PCDHGB1: variants seen among roughly 807,000 people sequenced by gnomAD.
PCDHGB1 encodes the protein protocadherin gamma subfamily B, 1, also known as protocadherin gamma-B1.
A neutral mutation model predicts 56.6 loss-of-function variants in PCDHGB1; 34 were observed. That is an observed-to-expected ratio of 0.60 (90% CI 0.46 to 0.80). The LOEUF is 0.80. Among genes scored for constraint, PCDHGB1 ranks in the 30% least tolerant of loss-of-function variants. The pLI is 0.00. For synonymous variants in PCDHGB1, 561 were observed against 505.9 expected, an observed-to-expected ratio of 1.11 and a Z score of -1.46; for missense variants, 1,278 against 1,204.6, an observed-to-expected ratio of 1.06 and a Z score of -0.90.
intron 1 of PCDHGB1, chr5:141,357,163 T>TCGGCCA: frequency 6.2e-7 from 1 of 1,613,606 alleles, no homozygotes; most frequent in Non-Finnish European, 8.5e-7. Flanking sequence ...GCCCCCTCTC[T>TCGGCCA]CGGCCACCGT....
chr5:141,418,013 A>C (rs769578436), intron 1 of PCDHGB1: 2 of 1,613,906 alleles, frequency 1.2e-6, no homozygotes, highest in African/African-American at 2.7e-5. Flanking sequence ...GAACCTCGCT[A>C]AGGATCTAGG....
Position 141,491,898 on chromosome 5 carries a change from G to C in PCDHGB1, c.2410-2909G>C, listed in dbSNP as rs772673872. 9.0e-5 allele frequency: 129 copies of C among 1,428,816 alleles called. 1 individual carries two copies. In the Middle Eastern group the frequency reaches 2.0e-3, roughly 22 times the overall value. The allele number at this position is 1,428,816 out of a possible 1,614,324, so 88.5% of individuals were successfully genotyped here. On this transcript the variant is annotated intron_variant, in intron 1 of 3. Coordinates refer to ENST00000523390, the MANE Select transcript of PCDHGB1 (RefSeq NM_018922.3). The surrounding 1 kb of genome is among the most constrained non-coding windows in gnomAD (Gnocchi z 6.9). ...ATTAAGGGATGGGGCTCCGAGCACCGGGGGTGGTGGCGACTGTGGGCGAGG... is the reference window on the plus strand; with the variant it reads ...ATTAAGGGATGGGGCTCCGAGCACCCGGGGTGGTGGCGACTGTGGGCGAGG...
intron 1 of PCDHGB1, chr5:141,365,136 C>T: frequency 6.2e-7 from 1 of 1,613,950 alleles, no homozygotes; most frequent in Non-Finnish European, 8.5e-7. Flanking sequence ...GCCACGGATC[C>T]AGATGAGGGA....
intron 1 of PCDHGB1, chr5:141,427,757 C>A: frequency 7.5e-7 from 1 of 1,340,702 alleles, no homozygotes; most frequent in Non-Finnish European, 1.1e-6. Flanking sequence ...CCATCGTTAC[C>A]ACTGACTTGG....
chr5:141,350,915 C>T lies in PCDHGB1; in HGVS notation c.655C>T (p.Leu219=), dbSNP rs775693416. 3 of 1,614,100 alleles carry T rather than the reference C, an allele frequency of 1.9e-6. No individual in the cohort carries two copies. Among genetic ancestry groups the T allele is most frequent in the East Asian group, 2.2e-5 (1 of 44,888 alleles). Residue 219 remains leucine (L), a synonymous_variant, in exon 1 of 4, where the codon CTA becomes TTA. Transcript: ENST00000523390. The part of the protein sequence containing the change: ...LTAMDGGDPP[L]SGTTHIWIRV... ...TGCCATGGATGGCGGGGACCCGCCT[C>T]TAAGCGGCACCACCCATATCTGGAT...
At chr5:141,387,607 AG>A in intron 1 of PCDHGB1, 2 of 547,806 alleles carry the variant, frequency 3.7e-6, no homozygotes, top group Non-Finnish European at 6.4e-6. Context: ...CAGAGGCTGT[AG>A]TTTCCTAGTG....
At chr5:141,413,355 C>G in intron 1 of PCDHGB1, 1 of 1,613,952 alleles carries the variant, frequency 6.2e-7, no homozygotes, top group Non-Finnish European at 8.5e-7. Context: ...GTCTGGCGCC[C>G]CGGGAGCTGG....
intron 1 of PCDHGB1, chr5:141,376,411 C>CTTAGTT: frequency 1.9e-6 from 3 of 1,614,182 alleles, no homozygotes; most frequent in Non-Finnish European, 2.5e-6. Context: ...CCAACTATGC[C>CTTAGTT]GACACGCTTA....
chr5:141,381,555 T>C (rs992456160), intron 1 of PCDHGB1, among the ~76,000 whole-genome samples: 2 of 152,192 alleles, frequency 1.3e-5, no homozygotes, highest in African/African-American at 4.8e-5. Flanking sequence ...TTGAATTGAA[T>C]TGCATAATGA....
At chr5:141,509,071 G>T (rs1209992467) in intron 3 of PCDHGB1, among the ~76,000 whole-genome samples, 1 of 152,176 alleles carries the variant, frequency 6.6e-6, no homozygotes, top group Admixed American at 6.5e-5. Flanking sequence ...CAGCTCCGGG[G>T]ATTTGCGACA....
intron 1 of PCDHGB1, chr5:141,362,068 G>A (rs62621761): frequency 1.2e-6 from 2 of 1,612,460 alleles, no homozygotes; most frequent in South Asian, 1.1e-5. Flanking sequence ...CCTGCTGGTC[G>A]CTGTGCGTGA....
chr5:141,491,666 G>T lies in PCDHGB1; in HGVS notation c.2410-3141G>T, dbSNP rs373526771. Reference sequence around the variant, plus strand: ...CTGGCGCTGGAGCCTGACGCCATCCGGTCCCGCTCTAATACGCTGCGGGAG... The same window carrying T: ...CTGGCGCTGGAGCCTGACGCCATCCTGTCCCGCTCTAATACGCTGCGGGAG... On this transcript the variant is annotated intron_variant, in intron 1 of 3. Transcript: ENST00000523390. This position sits in a 1 kb window ranked among gnomAD's most constrained non-coding sequence, Gnocchi z 6.9. 1.2e-6 allele frequency: 2 copies of T among 1,613,732 alleles called. No homozygotes were observed. Among genetic ancestry groups the T allele is most frequent in the Non-Finnish European group, 1.7e-6 (2 of 1,180,008 alleles).
At chr5:141,461,388 A>T (rs1025976806) in intron 1 of PCDHGB1, among the ~76,000 whole-genome samples, 5 of 152,164 alleles carry the variant, frequency 3.3e-5, no homozygotes, top group Admixed American at 6.5e-5. Context: ...CCTGATGATT[A>T]GCGATGTTGA....
chr5:141,409,047 G>A, intron 1 of PCDHGB1: 1 of 1,613,982 alleles, frequency 6.2e-7, no homozygotes, highest in Non-Finnish European at 8.5e-7. Context: ...TACTACTTCC[G>A]AAGCACTGCC....
chr5:141,375,599 T>A (rs1352335566), intron 1 of PCDHGB1: 1 of 1,614,126 alleles, frequency 6.2e-7, no homozygotes, highest in East Asian at 2.2e-5. Context: ...CTCCTACGTG[T>A]CCATCAACTC....
At chr5:141,353,092 G>A (rs377333833) in intron 1 of PCDHGB1, among the ~76,000 whole-genome samples, 1 of 152,080 alleles carries the variant, frequency 6.6e-6, no homozygotes, top group Admixed American at 6.5e-5. Flanking sequence ...CTGCGGGAGG[G>A]GGTACTAGAT....
intron 1 of PCDHGB1, chr5:141,419,226 C>T (rs560904796): frequency 1.9e-6 from 3 of 1,614,006 alleles, no homozygotes; most frequent in East Asian, 2.2e-5. Context: ...GGACAGTCAG[C>T]CTACCTGGTC....
In PCDHGB1 at chr5:141,351,644, C is replaced by A. The variant is rs2149763942; in HGVS notation, c.1384C>A (p.Pro462Thr). ...SYVVHVSENN[P>T]PGASIAQVSA... Reference sequence around the variant, plus strand: ...TGTGGTCCACGTGTCTGAGAACAACCCACCTGGCGCCTCCATTGCACAAGT... The same window carrying A: ...TGTGGTCCACGTGTCTGAGAACAACACACCTGGCGCCTCCATTGCACAAGT... Residue 462 changes from proline to threonine, a missense_variant, in exon 1 of 4, where the codon CCA (proline) becomes ACA (threonine). Physicochemically the swap from Pro to Thr is conservative, Grantham distance 38. Coordinates refer to ENST00000523390, the MANE Select transcript of PCDHGB1 (RefSeq NM_018922.3). 6.2e-7 allele frequency: 1 copy of A among 1,614,060 alleles called. No individual in the cohort carries two copies. Among genetic ancestry groups the A allele is most frequent in the South Asian group, 1.1e-5 (1 of 91,082 alleles).
In PCDHGB1 at chr5:141,463,735, C is replaced by T. The variant is rs1411988885; in HGVS notation, c.2410-31072C>T. On this transcript the variant is annotated intron_variant, in intron 1 of 3. Coordinates refer to ENST00000523390, the MANE Select transcript of PCDHGB1 (RefSeq NM_018922.3). ...TGCTGGGATTACAGGCATGAGCCAC[C>T]GCGCCCGGCCTGCTTCTCTTCTCTT... 3.3e-5 allele frequency among the ~76,000 whole-genome samples: 5 copies of T among 152,100 alleles called. No individual in the cohort carries two copies. The East Asian group carries it at 7.8e-4, about 24-fold the overall frequency.
Sources: allele counts gnomAD v4.1 joint callset (sites outside exome capture counted in the v4.1 genomes callset), GRCh38; gene constraint gnomAD v4.1.1; non-coding constraint Gnocchi (gnomAD v3.1); transcripts MANE v1.5; gene names NCBI Gene and HGNC (gene_info 2026-07-23, HGNC 2026-07-21).